UNC79: variants seen among roughly 807,000 people sequenced by gnomAD.
UNC79 encodes the protein unc-79 subunit of NALCN channel complex.
A neutral mutation model predicts 283.1 loss-of-function variants in UNC79; 37 were observed. The observed-to-expected ratio is 0.13, with a 90% CI of 0.10 to 0.17. The LOEUF is 0.17. Among genes scored for constraint, UNC79 ranks in the 10% least tolerant of loss-of-function variants. The probability of loss-of-function intolerance (pLI) is 1.00; values close to 1 mark genes in which losing one functional copy is unlikely to be tolerated. For synonymous variants in UNC79, 1,107 were observed against 1,200.2 expected, an observed-to-expected ratio of 0.92 and a Z score of 1.61; for missense variants, 2,272 against 3,211.1, an observed-to-expected ratio of 0.71 and a Z score of 7.07.
intron 11 of UNC79, among the ~76,000 whole-genome samples, chr14:93,536,956 ACCTTGAGAAT>A (rs2061118104): frequency 6.6e-6 from 1 of 151,712 alleles, no homozygotes. Context: ...ACTTTTTCTT[ACCTTGAGAAT>A]CCTATGCTGG....
At chr14:93,373,803 GAA>G (rs1234605194) in intron 1 of UNC79, among the ~76,000 whole-genome samples, 1 of 152,164 alleles carries the variant, frequency 6.6e-6, no homozygotes, top group Admixed American at 6.5e-5. Context: ...TATAAGAAAA[GAA>G]AAAAACTACA....
chr14:93,528,725 T>A, intron 9 of UNC79, 79 bp downstream of exon 9: 1 of 1,350,162 alleles, frequency 7.4e-7, no homozygotes, highest in Non-Finnish European at 1.0e-6. Context: ...CTTAAATTAG[T>A]TACATTGCTA....
At chr14:93,622,803 T>G in exon 30 of UNC79, 1 of 1,614,088 alleles carries the variant, frequency 6.2e-7, no homozygotes. Flanking sequence ...GACATCTCCT[T>G]CAACATTCTG....
intron 1 of UNC79, among the ~76,000 whole-genome samples, chr14:93,388,021 T>A (rs1205987285): frequency 6.6e-6 from 1 of 152,240 alleles, no homozygotes; most frequent in Non-Finnish European, 1.5e-5. Context: ...TGTCTTGACA[T>A]CTATTTTGTT....
intron 1 of UNC79, among the ~76,000 whole-genome samples, chr14:93,464,387 T>C (rs1282096691): frequency 6.6e-6 from 1 of 152,176 alleles, no homozygotes; most frequent in African/African-American, 2.4e-5. Context: ...CTTTCCTCTG[T>C]GTTCCCACAT....
chr14:93,614,293 T>C (rs1406123644), intron 27 of UNC79, among the ~76,000 whole-genome samples: 1 of 129,122 alleles, frequency 7.7e-6, no homozygotes, highest in African/African-American at 3.0e-5. Flanking sequence ...GTTTGTGTGG[T>C]TTTATTTTTA....
At chr14:93,686,302 C>G (rs2074236103) in intron 42 of UNC79, among the ~76,000 whole-genome samples, 1 of 151,874 alleles carries the variant, frequency 6.6e-6, no homozygotes, top group Non-Finnish European at 1.5e-5. Flanking sequence ...CACACACACA[C>G]AAAATCAGTT....
chr14:93,576,534 A>G (rs991009565), intron 17 of UNC79, among the ~76,000 whole-genome samples: 31 of 152,218 alleles, frequency 2.0e-4, no homozygotes, highest in Non-Finnish European at 4.4e-5. Flanking sequence ...AGTTTAAATG[A>G]CAGACTTTAA....
At chr14:93,416,752 A>G (rs1201198498) in intron 1 of UNC79, among the ~76,000 whole-genome samples, 2 of 152,104 alleles carry the variant, frequency 1.3e-5, no homozygotes. Flanking sequence ...TTCTTGTTGA[A>G]TTGATCCCTT....
At chr14:93,507,462 T>C (rs1014434364) in intron 7 of UNC79, among the ~76,000 whole-genome samples, 3 of 152,218 alleles carry the variant, frequency 2.0e-5, no homozygotes, top group Non-Finnish European at 4.4e-5. Flanking sequence ...TAAATTTCTT[T>C]GATGACTGCT....
At chr14:93,694,541 C>T in intron 47 of UNC79, 129 bp downstream of exon 50, 2 of 835,036 alleles carry the variant, frequency 2.4e-6, no homozygotes, top group Non-Finnish European at 3.8e-6. Flanking sequence ...ATTCAGGCTC[C>T]TATAACAACC....
intron 1 of UNC79, among the ~76,000 whole-genome samples, chr14:93,397,933 A>T (rs2055031598): frequency 6.6e-6 from 1 of 152,148 alleles, no homozygotes. Flanking sequence ...TCTTAACAAG[A>T]TGCAGCCATT....
chr14:93,444,760 C>A (rs953248928), intron 1 of UNC79, among the ~76,000 whole-genome samples: 3 of 152,068 alleles, frequency 2.0e-5, no homozygotes, highest in African/African-American at 7.2e-5. Flanking sequence ...TTCATCTATT[C>A]TTATGTCAAT....
intron 37 of UNC79, 106 bp downstream of exon 40, chr14:93,654,131 G>A: frequency 4.1e-6 from 3 of 723,180 alleles, no homozygotes; most frequent in South Asian, 2.9e-5. Flanking sequence ...TGCTGAGGAA[G>A]GATTGCAATG....
At chr14:93,405,619 T>C (rs1348989491) in intron 1 of UNC79, among the ~76,000 whole-genome samples, 1 of 152,164 alleles carries the variant, frequency 6.6e-6, no homozygotes, top group Non-Finnish European at 1.5e-5. Context: ...GAACTAATGT[T>C]ATTAAGGTCA....
At chr14:93,428,206 G>A (rs990185924), upstream of UNC79, among the ~76,000 whole-genome samples, 1 of 152,196 alleles carries the variant, frequency 6.6e-6, no homozygotes, top group Non-Finnish European at 1.5e-5. Context: ...TATTCAGTAA[G>A]ATGATAGGCA....
exon 1 of UNC79, chr14:93,431,024 A>G (rs903503923): frequency 8.6e-6 from 6 of 701,546 alleles, no homozygotes; most frequent in African/African-American, 1.8e-5. Context: ...CCAACTGGAC[A>G]GCACCATGTC....
chr14:93,571,822 A>C (rs1791573378), intron 14 of UNC79, 72 bp from the exon 15 acceptor site: 1 of 1,535,016 alleles, frequency 6.5e-7, no homozygotes, highest in East Asian at 2.3e-5. Context: ...CCATTGCCTT[A>C]GGAAGTCCTT....
rs1361573407 is a variant in UNC79, at chr14:93,575,069, G to A, written c.2082G>A (p.Glu694=). ...CCTTTTTTCCCTAGGTATTATCGGA[G>A]TTAGATATCATGGTTCCACTTCAAC... The change falls in exon 17 of 49, where the codon GAG becomes GAA. Residue 694 remains glutamate (E), a synonymous_variant. Coordinates refer to ENST00000555664, the Ensembl canonical transcript of UNC79. 4.3e-6 allele frequency: 7 copies of A among 1,612,212 alleles called. No individual in the cohort carries two copies. In the South Asian group the frequency reaches 6.6e-5, roughly 15 times the overall value.
Sources: gnomAD v4.1 joint callset for allele counts (sites outside exome capture counted in the v4.1 genomes callset) on GRCh38, gnomAD v4.1.1 for gene constraint, MANE v1.5 for transcripts, NCBI Gene and HGNC (gene_info 2026-07-23, HGNC 2026-07-21) for gene names.